SYNE1: variants seen among roughly 807,000 people sequenced by gnomAD.
SYNE1 encodes spectrin repeat containing nuclear envelope protein 1.
SYNE1 carries 616 observed loss-of-function variants against 1,111.0 expected under a neutral mutation model. The ratio of observed to expected loss-of-function variants is 0.55; its 90% CI spans 0.52 to 0.59. SYNE1 has a LOEUF of 0.59. Ranked by LOEUF, SYNE1 falls within the 20% of genes least tolerant of loss-of-function variation. The pLI is 0.00. For missense variants in SYNE1, 10,006 were observed against 10,417.0 expected (o/e 0.96, Z 1.72); for synonymous variants, 3,855 against 3,825.8 (o/e 1.01, Z -0.28).
intron 42 of SYNE1, among the ~76,000 whole-genome samples, chr6:152,411,722 C>CCCCCCCCCA (rs1554649150): frequency 3.7e-4 from 51 of 136,138 alleles, no homozygotes; most frequent in South Asian, 7.1e-4. Flanking sequence ...CACACACACA[C>CCCCCCCCCA]ACACACCCCC....
At chr6:152,423,208 C>A (rs551622341) in intron 39 of SYNE1, among the ~76,000 whole-genome samples, 3 of 152,326 alleles carry the variant, frequency 2.0e-5, no homozygotes, top group African/African-American at 7.2e-5. Context: ...AATAACCTGT[C>A]TTAACATGAA....
chr6:152,441,998 C>T, intron 31 of SYNE1, 77 bp downstream of exon 31: 4 of 1,558,522 alleles, frequency 2.6e-6, no homozygotes, highest in East Asian at 2.2e-5. Context: ...AAAGGTTCGC[C>T]TTGGTGTTAT....
intron 73 of SYNE1, among the ~76,000 whole-genome samples, chr6:152,344,911 T>C (rs1447909727): frequency 2.0e-5 from 3 of 152,152 alleles, no homozygotes; most frequent in Non-Finnish European, 4.4e-5. Flanking sequence ...CAAGAGAAAA[T>C]ATATCTGGGA....
rs1487588055 is a variant in SYNE1 at position 152,430,546 on chromosome 6, C to G, written c.4625G>C (p.Cys1542Ser). ...YGEELREHAQCLEGTILGHLS... is the reference protein window; with the variant it reads ...YGEELREHAQSLEGTILGHLS... ...ATGTCCCAGGATTGTTCCTTCCAGA[C>G]ACTGTGCATGCTCTCGAAGCTCTTC... The change falls in exon 35 of 146, where the codon TGT (cysteine) becomes TCT (serine). Residue 1542 changes from cysteine to serine, a missense_variant. Physicochemically the swap from Cys to Ser is moderately radical, Grantham distance 112. Transcript: ENST00000367255. 1 of 1,614,132 alleles carries G rather than the reference C, an allele frequency of 6.2e-7. No individual in the cohort carries two copies. The highest frequency in any genetic ancestry group is 1.1e-5 in the South Asian group (1 of 91,086).
At position 152,236,957 on chromosome 6, in the gene SYNE1, A is replaced by G; in HGVS notation, c.20068-9T>C. On this transcript the variant is annotated splice_polypyrimidine_tract_variant and intron_variant, in intron 108 of 145. Coordinates refer to ENST00000367255, the MANE Select transcript of SYNE1 (RefSeq NM_182961.4). ...TCCAGATGGGACCACGTCTAGAAAC[A>G]CAACATGAGTCTGTGAGCTAAAAAA... The G allele has an allele frequency of 6.2e-7, 1 of 1,612,918 alleles. No individual in the cohort carries two copies. Among genetic ancestry groups the G allele is most frequent in the South Asian group, 1.1e-5 (1 of 90,910 alleles).
rs140360127 is a variant in SYNE1 at position 152,242,326 on chromosome 6, C to G, written c.19807G>C (p.Glu6603Gln). 15 of 1,613,960 alleles carry G rather than the reference C, an allele frequency of 9.3e-6. No individual in the cohort carries two copies. Among genetic ancestry groups the G allele is most frequent in the Non-Finnish European group, 2.5e-6 (3 of 1,180,002 alleles). The change falls in exon 107 of 146, where the codon GAA (glutamate) becomes CAA (glutamine). Residue 6603 changes from glutamate to glutamine, a missense_variant. Glu to Gln is a conservative substitution (Grantham distance 29). Transcript: ENST00000367255. ...RALQDLADLL[E>Q]TGQEKMAGDQ... ...CCTGCCATCTTCTCCTGACCAGTTT[C>G]TAGCAGGTCAGCCAGATCTTGTAGG...
In SYNE1 at chr6:152,367,392, A is replaced by C; in HGVS notation, c.9808-10T>G. 1 of 1,613,804 alleles carries C rather than the reference A, an allele frequency of 6.2e-7. No individual in the cohort carries two copies. The highest frequency in any genetic ancestry group is 8.5e-7 in the Non-Finnish European group (1 of 1,180,038). On this transcript the variant is annotated splice_polypyrimidine_tract_variant and intron_variant, in intron 61 of 145. Coordinates refer to ENST00000367255, the MANE Select transcript of SYNE1 (RefSeq NM_182961.4). ...GTCTTGACACTTTCTCCTGGAAATG[A>C]CAGAAATGGTTTTCGAGCTGTCCAT...
chr6:152,485,043 C>T, intron 12 of SYNE1, 71 bp from the exon 13 acceptor site: 1 of 1,508,874 alleles, frequency 6.6e-7, no homozygotes, highest in East Asian at 2.3e-5. Flanking sequence ...AGCACATTTC[C>T]TAAATAACAA....
chr6:152,542,071 C>T (rs1049307074), intron 3 of SYNE1, among the ~76,000 whole-genome samples: 12 of 152,112 alleles, frequency 7.9e-5, no homozygotes. Flanking sequence ...AACTAGTAAA[C>T]GCTATGTTGT....
chr6:152,326,540 G>C lies in SYNE1; in HGVS notation c.15049C>G (p.Gln5017Glu), dbSNP rs1563088209. ...ACGTCTAGGCCATTGCCTGCCAGCT[G>C]TAACAATTCTTGGGCATCCTCAAGC... is the stretch of plus-strand genomic sequence containing the variant. ...DWLEDAQELL[Q>E]LAGNGLDVES... Residue 5017 changes from glutamine to glutamate, a missense_variant, in exon 79 of 146, where the codon CAG (glutamine) becomes GAG (glutamate). Transcript: ENST00000367255. 6.2e-7 allele frequency: 1 copy of C among 1,614,184 alleles called. No individual in the cohort carries two copies. Among genetic ancestry groups the C allele is most frequent in the African/African-American group, 1.3e-5 (1 of 75,046 alleles).
At chr6:152,194,388 C>T (rs1219959225) in intron 127 of SYNE1, among the ~76,000 whole-genome samples, 1 of 152,094 alleles carries the variant, frequency 6.6e-6, no homozygotes, top group Non-Finnish European at 1.5e-5. Flanking sequence ...ACTGAAGCTC[C>T]ATTTTATGTT....
intron 137 of SYNE1, chr6:152,145,972 C>A (rs942386602): frequency 1.3e-5 from 3 of 238,986 alleles, no homozygotes; most frequent in African/African-American, 7.7e-5. Flanking sequence ...TTGCAGTGAG[C>A]CGAGATTGTG....
Position 152,628,638 on chromosome 6 carries a change from T to C in SYNE1, c.-223-84A>G, listed in dbSNP as rs1358537935. ...GTGCTAAAAGGAGAAATATTTCTAT[T>C]TAATTTGAATGCCTGGTCCATTATC... On this transcript the variant is annotated intron_variant, in intron 2 of 145. Coordinates refer to ENST00000367255, the MANE Select transcript of SYNE1 (RefSeq NM_182961.4). 9 of 341,512 alleles carry C rather than the reference T, an allele frequency of 2.6e-5. No homozygotes were observed. The East Asian group carries it at 3.1e-4, about 12-fold the overall frequency. The allele number at this position is 341,512 out of a possible 1,614,324, so 21.2% of individuals were successfully genotyped here.
chr6:152,598,158 A>G (rs1186949264), intron 3 of SYNE1, among the ~76,000 whole-genome samples: 2 of 152,028 alleles, frequency 1.3e-5, no homozygotes. Context: ...CGTGATTCCC[A>G]TGTGTTGTAG....
intron 11 of SYNE1, among the ~76,000 whole-genome samples, chr6:152,497,685 G>A (rs561840223): frequency 1.3e-5 from 2 of 152,294 alleles, no homozygotes; most frequent in South Asian, 4.1e-4. Flanking sequence ...ACTTTCTAAT[G>A]GTTGGAAAGT....
Position 152,122,234 on chromosome 6 carries a change from T to C in SYNE1, c.*202A>G. On this transcript the variant is annotated 3_prime_UTR_variant, in exon 146 of 146. Transcript: ENST00000367255. ...CAAACCAGATTTCTTCCAAACCTTC[T>C]TGTTGTCTGTTTGTTCCCCCGTCAC... 1 of 769,152 alleles carries C rather than the reference T, an allele frequency of 1.3e-6. No individual in the cohort carries two copies. 47.6% of individuals were successfully genotyped at this position (769,152 alleles called of 1,614,324 possible).
Position 152,329,761 on chromosome 6 carries a change from C to G in SYNE1, c.14924G>C (p.Gly4975Ala). 1 of 1,614,098 alleles carries G rather than the reference C, an allele frequency of 6.2e-7. No individual in the cohort carries two copies. The highest frequency in any genetic ancestry group is 8.5e-7 in the Non-Finnish European group (1 of 1,179,936). The change falls in exon 78 of 146, where the codon GGA (glycine) becomes GCA (alanine). Residue 4975 changes from glycine to alanine, a missense_variant. Physicochemically the swap from Gly to Ala is moderately conservative, Grantham distance 60. Around this residue, in one of 7 missense-constraint regions of SYNE1, gnomAD observed 4,955 missense variants for 5,017.2 expected, o/e 0.99. Coordinates refer to ENST00000367255, the MANE Select transcript of SYNE1 (RefSeq NM_182961.4). ...GGTGCGTAAGGCTTCCTGGATGTCT[C>G]CATCCAGCTCTGAGAGCTCAGCGAG... ...HSLAELSELDGDIQEALRTRQ... is the reference protein window; with the variant it reads ...HSLAELSELDADIQEALRTRQ...
At chr6:152,541,485 A>T (rs1260595423) in intron 3 of SYNE1, among the ~76,000 whole-genome samples, 1 of 152,114 alleles carries the variant, frequency 6.6e-6, no homozygotes, top group Non-Finnish European at 1.5e-5. Flanking sequence ...GTGGCGGCTC[A>T]TGCCTGTAAT....
chr6:152,204,200 A>G (rs2076058554), intron 126 of SYNE1, among the ~76,000 whole-genome samples: 1 of 151,964 alleles, frequency 6.6e-6, no homozygotes, highest in South Asian at 2.1e-4. Flanking sequence ...ACCCATCTCT[A>G]CTAAAAATAC....
Sources: gnomAD v4.1 joint callset for allele counts (sites outside exome capture counted in the v4.1 genomes callset) on GRCh38, gnomAD v4.1.1 for gene constraint, gnomAD v4.1.1 regional missense constraint, MANE v1.5 for transcripts, NCBI Gene and HGNC (gene_info 2026-07-23, HGNC 2026-07-21) for gene names.